GRID2: variants seen among roughly 807,000 people sequenced by gnomAD.
The protein encoded by GRID2 is glutamate receptor ionotropic, delta-2.
Under a neutral mutation model 114.8 loss-of-function variants are expected in GRID2, and 33 were observed. The observed-to-expected ratio is 0.29, with a 90% CI of 0.22 to 0.38. GRID2 has a LOEUF of 0.38. Ranked by LOEUF, GRID2 falls within the 10% of genes least tolerant of loss-of-function variation. GRID2 has a pLI of 1.00. For synonymous variants in GRID2, 505 were observed against 449.9 expected (o/e 1.12, Z -1.55); for missense variants, 1,184 against 1,257.7 (o/e 0.94, Z 0.89).
intron 2 of GRID2, among the ~76,000 whole-genome samples, chr4:92,661,300 T>C (rs940906972): frequency 2.0e-5 from 3 of 151,048 alleles, no homozygotes; most frequent in African/African-American, 7.3e-5. Flanking sequence ...AAAGTCACCC[T>C]GTTTAAAAGT....
At chr4:92,470,801 A>G (rs1721995392) in intron 1 of GRID2, among the ~76,000 whole-genome samples, 1 of 152,030 alleles carries the variant, frequency 6.6e-6, no homozygotes, top group African/African-American at 2.4e-5. Context: ...CTCATAATAC[A>G]TAGTCATTAT....
chr4:93,599,907 G>A (rs1464860356), intron 13 of GRID2, among the ~76,000 whole-genome samples: 1 of 152,152 alleles, frequency 6.6e-6, no homozygotes, highest in African/African-American at 2.4e-5. Context: ...AGAAAGATGA[G>A]AATCAGAACA....
intron 2 of GRID2, among the ~76,000 whole-genome samples, chr4:92,672,333 A>G (rs1733115017): frequency 6.6e-6 from 1 of 152,144 alleles, no homozygotes; most frequent in African/African-American, 2.4e-5. Flanking sequence ...ACAGTCATGA[A>G]CTTTAAATTT....
At chr4:92,556,636 G>A (rs535401140) in intron 1 of GRID2, among the ~76,000 whole-genome samples, 5 of 152,138 alleles carry the variant, frequency 3.3e-5, no homozygotes, top group South Asian at 2.1e-4. Context: ...TCAAGTTGTC[G>A]ACTGGGGATG....
chr4:92,413,176 C>T (rs1731423312), intron 1 of GRID2, among the ~76,000 whole-genome samples: 1 of 152,102 alleles, frequency 6.6e-6, no homozygotes, highest in African/African-American at 2.4e-5. Context: ...ATTTTTCATC[C>T]CTCATCCCCT....
chr4:93,478,568 G>T (rs1166111538), intron 11 of GRID2, among the ~76,000 whole-genome samples: 2 of 150,922 alleles, frequency 1.3e-5, no homozygotes, highest in African/African-American at 2.4e-5. Context: ...GATTAAATAT[G>T]ATAAAATATT....
intron 13 of GRID2, among the ~76,000 whole-genome samples, chr4:93,525,967 CAA>C (rs1207213035): frequency 6.6e-6 from 1 of 152,148 alleles, no homozygotes; most frequent in Admixed American, 6.6e-5. Context: ...TTCTTACTCT[CAA>C]AGTTACTTCC....
At chr4:92,499,632 A>C (rs908172574) in intron 1 of GRID2, among the ~76,000 whole-genome samples, 1 of 152,154 alleles carries the variant, frequency 6.6e-6, no homozygotes, top group African/African-American at 2.4e-5. Flanking sequence ...TATTATTTTG[A>C]GACAGAGTCT....
intron 14 of GRID2, among the ~76,000 whole-genome samples, chr4:93,676,350 AATG>A (rs199794252): frequency 0.013 from 2,047 of 152,344 alleles, 25 homozygotes; most frequent in Non-Finnish European, 0.02. Flanking sequence ...GCCTCAAAGC[AATG>A]ATCTTTCTAA....
At chr4:92,966,684 C>A (rs1390885308) in intron 2 of GRID2, among the ~76,000 whole-genome samples, 1 of 151,854 alleles carries the variant, frequency 6.6e-6, no homozygotes, top group South Asian at 2.1e-4. Flanking sequence ...TAAGACATGT[C>A]TTTTTCTTTC....
At chr4:93,140,103 G>A (rs193076211) in intron 4 of GRID2, among the ~76,000 whole-genome samples, 2 of 151,154 alleles carry the variant, frequency 1.3e-5, no homozygotes, top group African/African-American at 2.4e-5. Context: ...GGGTTTGATC[G>A]TCTCTGCCAT....
chr4:92,513,068 A>G (rs1045753349), intron 1 of GRID2, among the ~76,000 whole-genome samples: 1 of 151,842 alleles, frequency 6.6e-6, no homozygotes, highest in Non-Finnish European at 1.5e-5. Flanking sequence ...CATTTGCAAG[A>G]TTTTTATAGC....
intron 1 of GRID2, among the ~76,000 whole-genome samples, chr4:93,797,653 G>A (rs962354127): frequency 7.9e-5 from 12 of 152,048 alleles, no homozygotes; most frequent in African/African-American, 2.4e-4. Flanking sequence ...TCCAAGCTCA[G>A]AGTCAAGGCC....
chr4:92,940,972 G>A (rs1751074910), intron 2 of GRID2, among the ~76,000 whole-genome samples: 1 of 152,172 alleles, frequency 6.6e-6, no homozygotes, highest in South Asian at 2.1e-4. Context: ...CGGTTTGCCA[G>A]TATTTTATTG....
intron 2 of GRID2, among the ~76,000 whole-genome samples, chr4:92,702,060 A>G (rs2149301989): frequency 1.3e-5 from 2 of 152,284 alleles, no homozygotes; most frequent in South Asian, 4.1e-4. Flanking sequence ...TGTAGCTGCT[A>G]TCAAGGGTTT....
chr4:93,209,702 T>A (rs1027068557), intron 5 of GRID2, among the ~76,000 whole-genome samples: 1 of 152,090 alleles, frequency 6.6e-6, no homozygotes, highest in Non-Finnish European at 1.5e-5. Context: ...TGAACAAATT[T>A]ACACTCCCAC....
In GRID2 at chr4:92,603,843, A is replaced by G. The variant is rs187300569; in HGVS notation, c.244+13557A>G. Among the ~76,000 whole-genome samples the G allele has an allele frequency of 2.1e-3, 326 of 152,200 alleles. 1 individual carries two copies. Among genetic ancestry groups the G allele is most frequent in the African/African-American group, 7.5e-3 (310 of 41,552 alleles). On this transcript the variant is annotated intron_variant, in intron 2 of 15. Transcript: ENST00000282020. ...GGAACTTAAACAAATTTAGAAGAGAAAAACAACTCCATTAAAAAGTAGTCA... is the reference window on the plus strand; with the variant it reads ...GGAACTTAAACAAATTTAGAAGAGAGAAACAACTCCATTAAAAAGTAGTCA...
At chr4:92,700,815 A>C (rs987805204) in intron 2 of GRID2, among the ~76,000 whole-genome samples, 2 of 151,956 alleles carry the variant, frequency 1.3e-5, no homozygotes, top group Non-Finnish European at 2.9e-5. Context: ...ACACAGTGAA[A>C]CCCCGTCTCT....
At chr4:93,183,806 A>G (rs1740137187) in intron 4 of GRID2, among the ~76,000 whole-genome samples, 1 of 152,240 alleles carries the variant, frequency 6.6e-6, no homozygotes, top group South Asian at 2.1e-4. Flanking sequence ...CCAGATTACA[A>G]ATAAGGAAAC....
Sources: allele counts gnomAD v4.1 joint callset (sites outside exome capture counted in the v4.1 genomes callset), GRCh38; gene constraint gnomAD v4.1.1; transcripts MANE v1.5; gene names NCBI Gene and HGNC (gene_info 2026-07-23, HGNC 2026-07-21).